The following EMCN variants were observed in gnomAD, a reference collection of about 807,000 sequenced individuals.
EMCN encodes endomucin.
Under a neutral mutation model 38.4 loss-of-function variants are expected in EMCN, and 37 were observed. The observed-to-expected ratio is 0.96, with a 90% CI of 0.74 to 1.27. EMCN has a LOEUF of 1.27. EMCN is among the 50% of genes most tolerant of loss of function. The pLI is 0.00. For missense variants in EMCN, 318 were observed against 302.8 expected, an observed-to-expected ratio of 1.05 and a Z score of -0.37; for synonymous variants, 95 against 100.8, an observed-to-expected ratio of 0.94 and a Z score of 0.35.
At chr4:100,473,386 G>GTTTTTTTTTTTTTTTT (rs58646995) in intron 3 of EMCN, among the ~76,000 whole-genome samples, 2 of 82,452 alleles carry the variant, frequency 2.4e-5, no homozygotes, top group African/African-American at 4.2e-5. Flanking sequence ...TTTTTTTTTT[G>GTTTTTTTTTTTTTTTT]TTTTTTTTTT....
intron 3 of EMCN, among the ~76,000 whole-genome samples, chr4:100,468,104 TAATG>T (rs1728373990): frequency 6.6e-6 from 1 of 152,168 alleles, no homozygotes; most frequent in Non-Finnish European, 1.5e-5. Context: ...AGACAAAACA[TAATG>T]AATTTATCCA....
intron 9 of EMCN, among the ~76,000 whole-genome samples, chr4:100,416,574 T>A (rs558992751): frequency 6.6e-6 from 1 of 152,126 alleles, no homozygotes; most frequent in Non-Finnish European, 1.5e-5. Flanking sequence ...TTATGAAACA[T>A]AAAAACACTT....
At chr4:100,468,720 A>T (rs1728391682) in intron 3 of EMCN, among the ~76,000 whole-genome samples, 1 of 152,100 alleles carries the variant, frequency 6.6e-6, no homozygotes, top group Admixed American at 6.5e-5. Context: ...GAAAACTATA[A>T]AACATTAATA....
chr4:100,408,723 G>T (rs1389630765), intron 11 of EMCN, among the ~76,000 whole-genome samples: 2 of 152,126 alleles, frequency 1.3e-5, no homozygotes, highest in Non-Finnish European at 2.9e-5. Context: ...GACAAGCTTA[G>T]GATTTTTTCT....
rs2110200783 is a variant in EMCN at position 100,396,920 on chromosome 4, C to T, written c.*1493G>A. On this transcript the variant is annotated 3_prime_UTR_variant, in exon 12 of 12. Transcript: ENST00000296420. Reference sequence around the variant, plus strand: ...AGTGGAGATCCCTGCCTTCTTCTCTCCTCTCTTCCTTTCCTTTCTTTCTTT... The same window carrying T: ...AGTGGAGATCCCTGCCTTCTTCTCTTCTCTCTTCCTTTCCTTTCTTTCTTT... The T allele has an allele frequency of 6.6e-6, 1 of 150,770 alleles. No individual in the cohort carries two copies. Among genetic ancestry groups the T allele is most frequent in the Admixed American group, 6.7e-5 (1 of 14,962 alleles). 9.3% of individuals were successfully genotyped at this position (150,770 alleles called of 1,614,324 possible).
intron 4 of EMCN, among the ~76,000 whole-genome samples, chr4:100,462,231 T>A (rs1037800104): frequency 6.6e-6 from 1 of 152,224 alleles, no homozygotes; most frequent in African/African-American, 2.4e-5. Context: ...ATTATCCTGC[T>A]TTCCAGAGTG....
At chr4:100,469,704 T>G (rs1728421270) in intron 3 of EMCN, among the ~76,000 whole-genome samples, 1 of 152,098 alleles carries the variant, frequency 6.6e-6, no homozygotes, top group African/African-American at 2.4e-5. Context: ...CTCCATTGTT[T>G]GTTTTTGGCA....
At chr4:100,399,275 G>C (rs1203051744) in intron 11 of EMCN, among the ~76,000 whole-genome samples, 1 of 152,166 alleles carries the variant, frequency 6.6e-6, no homozygotes, top group African/African-American at 2.4e-5. Flanking sequence ...AACTGGCAGA[G>C]ATTAGGTGGT....
chr4:100,460,439 G>C (rs1728147252), intron 4 of EMCN, among the ~76,000 whole-genome samples: 1 of 152,144 alleles, frequency 6.6e-6, no homozygotes, highest in South Asian at 2.1e-4. Context: ...TATGAAATAA[G>C]AGGTTTACTT....
chr4:100,464,665 C>T (rs769597100), intron 4 of EMCN, among the ~76,000 whole-genome samples: 1 of 151,968 alleles, frequency 6.6e-6, no homozygotes, highest in Non-Finnish European at 1.5e-5. Context: ...TGTTGTATTA[C>T]TTTCTTTGGT....
intron 2 of EMCN, among the ~76,000 whole-genome samples, chr4:100,475,659 CTTTTTTTTTTTTT>C (rs869169290): frequency 3.3e-5 from 2 of 60,314 alleles, no homozygotes; most frequent in African/African-American, 1.7e-4. Flanking sequence ...AATTCTAGTC[CTTTTTTTTTTTTT>C]TTTTTTTTTT....
intron 1 of EMCN, among the ~76,000 whole-genome samples, chr4:100,513,231 T>G (rs1187681735): frequency 6.6e-6 from 1 of 152,176 alleles, no homozygotes; most frequent in East Asian, 1.9e-4. Flanking sequence ...AGAAATGGTT[T>G]GCAGACTAAA....
At chr4:100,436,965 C>T (rs773297997) in intron 5 of EMCN, among the ~76,000 whole-genome samples, 20 of 152,184 alleles carry the variant, frequency 1.3e-4, no homozygotes, top group South Asian at 4.1e-4. Flanking sequence ...CAAACCATCA[C>T]GGCACACGTT....
chr4:100,417,938 C>T (rs1398415317), intron 8 of EMCN, among the ~76,000 whole-genome samples: 1 of 152,160 alleles, frequency 6.6e-6, no homozygotes, highest in African/African-American at 2.4e-5. Context: ...CTTAGATTTC[C>T]TTTTATATGT....
chr4:100,513,286 C>A (rs2110313194), intron 1 of EMCN, among the ~76,000 whole-genome samples: 1 of 152,258 alleles, frequency 6.6e-6, no homozygotes, highest in South Asian at 2.1e-4. Flanking sequence ...AGTCTTCCTA[C>A]AATAGACTAC....
In EMCN at chr4:100,514,249, A is replaced by G. The variant is rs528888098; in HGVS notation, c.64+3602T>C. On this transcript the variant is annotated intron_variant, in intron 1 of 11. Coordinates refer to ENST00000296420, the MANE Select transcript of EMCN (RefSeq NM_016242.4). ...ATTTTTCTCACTAAACCGTCTCCTC[A>G]TATCTTTCCTAATCTCTGCTCCCAA... Among the ~76,000 whole-genome samples the G allele has an allele frequency of 5.9e-5, 9 of 152,104 alleles. No homozygotes were observed. The South Asian group carries it at 1.7e-3, about 28-fold the overall frequency.
Position 100,515,669 on chromosome 4 carries a change from C to T in EMCN, c.64+2182G>A, listed in dbSNP as rs559610736. Among the ~76,000 whole-genome samples the T allele has an allele frequency of 2.6e-5, 4 of 152,170 alleles. No individual in the cohort carries two copies. In the South Asian group the frequency reaches 8.3e-4, roughly 32 times the overall value. On this transcript the variant is annotated intron_variant, in intron 1 of 11. Coordinates refer to ENST00000296420, the MANE Select transcript of EMCN (RefSeq NM_016242.4). ...TTAAGGCAGATGAAATGCCTCCCTC[C>T]TCACCCCCAAGAATCAACTTTGCTG...
At chr4:100,496,137 C>A (rs1729200194) in intron 1 of EMCN, among the ~76,000 whole-genome samples, 1 of 151,984 alleles carries the variant, frequency 6.6e-6, no homozygotes, top group East Asian at 1.9e-4. Flanking sequence ...TTTTGTTTTT[C>A]AGATAGAGGG....
At chr4:100,443,043 T>C (rs1727566968) in intron 5 of EMCN, among the ~76,000 whole-genome samples, 1 of 152,100 alleles carries the variant, frequency 6.6e-6, no homozygotes. Context: ...AGAGACAGGG[T>C]TTTGCCATGT....
Sources: gnomAD v4.1 joint callset for allele counts (sites outside exome capture counted in the v4.1 genomes callset) on GRCh38, gnomAD v4.1.1 for gene constraint, MANE v1.5 for transcripts, NCBI Gene and HGNC (gene_info 2026-07-23, HGNC 2026-07-21) for gene names.